The following CCNY variants were observed in gnomAD, a reference collection of about 807,000 sequenced individuals.
The protein encoded by CCNY is cyclin Y.
A neutral mutation model predicts 42.8 loss-of-function variants in CCNY; 19 were observed. The observed-to-expected ratio is 0.44, with a 90% CI of 0.31 to 0.65. The LOEUF (loss-of-function observed/expected upper bound fraction) is 0.65. Ranked by LOEUF, CCNY falls within the 30% of genes least tolerant of loss-of-function variation. The pLI is 0.07. For synonymous variants in CCNY, 165 were observed against 162.7 expected, an observed-to-expected ratio of 1.01 and a Z score of -0.11; for missense variants, 370 against 437.3, an observed-to-expected ratio of 0.85 and a Z score of 1.37.
At chr10:35,256,851 A>G (rs148144737) in intron 3 of CCNY, among the ~76,000 whole-genome samples, 17 of 152,280 alleles carry the variant, frequency 1.1e-4, no homozygotes, top group African/African-American at 3.8e-4. Flanking sequence ...CAAGCCATAA[A>G]CTAATAATTA....
intron 1 of CCNY, among the ~76,000 whole-genome samples, chr10:35,481,629 G>A (rs10764046): frequency 0.12 from 17,914 of 152,186 alleles, 1,383 homozygotes; most frequent in East Asian, 0.36. Flanking sequence ...TCACCTTGCT[G>A]GCATGTGGGA....
At chr10:35,281,163 A>G (rs1367438226) in intron 3 of CCNY, among the ~76,000 whole-genome samples, 3 of 152,222 alleles carry the variant, frequency 2.0e-5, no homozygotes, top group African/African-American at 7.2e-5. Flanking sequence ...GCCATTGTGG[A>G]AAACAGGCAC....
At chr10:35,365,366 A>G (rs1018406085) in intron 1 of CCNY, among the ~76,000 whole-genome samples, 6 of 152,184 alleles carry the variant, frequency 3.9e-5, no homozygotes, top group African/African-American at 1.4e-4. Flanking sequence ...CTGCAGTATT[A>G]ATATCTTAAA....
intron 4 of CCNY, among the ~76,000 whole-genome samples, chr10:35,519,052 T>A (rs984189355): frequency 3.6e-4 from 53 of 148,620 alleles, no homozygotes; most frequent in Admixed American, 1.0e-3. Context: ...GGCTGAGGTA[T>A]ATTGTGAGTA....
At chr10:35,356,681 C>T (rs920237650) in intron 1 of CCNY, among the ~76,000 whole-genome samples, 1 of 152,068 alleles carries the variant, frequency 6.6e-6, no homozygotes, top group African/African-American at 2.4e-5. Flanking sequence ...ACATTGAGAA[C>T]CTAATAGGGA....
intron 1 of CCNY, among the ~76,000 whole-genome samples, chr10:35,446,399 T>G: frequency 6.6e-6 from 1 of 152,222 alleles, no homozygotes; most frequent in Non-Finnish European, 1.5e-5. Flanking sequence ...ATGTGGAGTT[T>G]TTTTTCCCCA....
chr10:35,343,382 C>CTTTTTTTT (rs9299720), intron 1 of CCNY, among the ~76,000 whole-genome samples: 22 of 85,902 alleles, frequency 2.6e-4, no homozygotes, highest in African/African-American at 4.0e-4. Context: ...AGCTGATGGT[C>CTTTTTTTT]TTTTTTTTTT....
chr10:35,528,445 T>G (rs1366010920), intron 5 of CCNY, among the ~76,000 whole-genome samples: 2 of 152,234 alleles, frequency 1.3e-5, no homozygotes, highest in Non-Finnish European at 2.9e-5. Flanking sequence ...GGCTTACGCC[T>G]GTAATCCTAG....
intron 1 of CCNY, among the ~76,000 whole-genome samples, chr10:35,343,468 C>T (rs1274799617): frequency 1.4e-5 from 2 of 141,756 alleles, no homozygotes; most frequent in Non-Finnish European, 1.5e-5. Flanking sequence ...CGGCTCACTG[C>T]AACCTCCGCC....
At chr10:35,556,994 G>A (rs536129264) in intron 8 of CCNY, among the ~76,000 whole-genome samples, 15 of 152,066 alleles carry the variant, frequency 9.9e-5, no homozygotes, top group African/African-American at 2.2e-4. Flanking sequence ...ACAGGCGCCC[G>A]CCATTAGTCC....
At chr10:35,292,358 A>T (rs1835422809) in intron 3 of CCNY, among the ~76,000 whole-genome samples, 1 of 151,786 alleles carries the variant, frequency 6.6e-6, no homozygotes, top group African/African-American at 2.4e-5. Flanking sequence ...TTTAATTTTT[A>T]ATTTTTTTAT....
At chr10:35,363,516 C>T (rs934883742) in intron 1 of CCNY, among the ~76,000 whole-genome samples, 4 of 152,126 alleles carry the variant, frequency 2.6e-5, no homozygotes, top group Non-Finnish European at 4.4e-5. Context: ...AGTAGGCTTA[C>T]CTGATCAAAG....
chr10:35,468,680 T>C (rs1839321795), intron 1 of CCNY, among the ~76,000 whole-genome samples: 1 of 152,176 alleles, frequency 6.6e-6, no homozygotes. Context: ...ATGGTGAGCC[T>C]GTCATCGGAG....
rs35268084 is a variant in CCNY at position 35,516,661 on chromosome 10, C to CTTTTTT, written c.365+60_365+65dup. 3.1e-4 allele frequency: 102 copies of CTTTTTT among 327,572 alleles called. 1 individual carries two copies. The highest frequency in any genetic ancestry group is 7.9e-4 in the African/African-American group (16 of 20,310). 20.3% of individuals were successfully genotyped at this position (327,572 alleles called of 1,614,324 possible). ...ATTTATTTCCTTCCTTCCTTCCTTCCTTTTTTTTTTTTTTTTTTTTTTTTT... is the reference window on the plus strand; with the variant it reads ...ATTTATTTCCTTCCTTCCTTCCTTCCTTTTTTTTTTTTTTTTTTTTTTTTTTTTTTT... On this transcript the variant is annotated intron_variant, in intron 4 of 9. Transcript: ENST00000374704.
chr10:35,271,694 C>T (rs1037937183), intron 3 of CCNY, among the ~76,000 whole-genome samples: 3 of 152,196 alleles, frequency 2.0e-5, no homozygotes, highest in African/African-American at 4.8e-5. Context: ...CCTCCTTCAC[C>T]GATGCCAGAG....
chr10:35,251,081 T>C (rs1444525689), intron 3 of CCNY: 1 of 152,290 alleles, frequency 6.6e-6, no homozygotes, highest in East Asian at 1.9e-4. Context: ...AAAATAAATG[T>C]CCACCTTAGA....
chr10:35,344,830 G>GT (rs1836264358), intron 1 of CCNY, among the ~76,000 whole-genome samples: 2 of 152,188 alleles, frequency 1.3e-5, no homozygotes, highest in Admixed American at 1.3e-4. Flanking sequence ...GCCGTGTTTG[G>GT]TTTTTTGTCC....
At chr10:35,278,474 T>C (rs1387331398) in intron 3 of CCNY, among the ~76,000 whole-genome samples, 1 of 151,982 alleles carries the variant, frequency 6.6e-6, no homozygotes, top group African/African-American at 2.4e-5. Context: ...AGCTCCAAAG[T>C]CCCATCTTAG....
chr10:35,271,701 A>G (rs1835171160), intron 3 of CCNY, among the ~76,000 whole-genome samples: 1 of 152,152 alleles, frequency 6.6e-6, no homozygotes, highest in Non-Finnish European at 1.5e-5. Flanking sequence ...CACCGATGCC[A>G]GAGTGGCCCC....
Sources: allele counts gnomAD v4.1 joint callset (sites outside exome capture counted in the v4.1 genomes callset), GRCh38; gene constraint gnomAD v4.1.1; transcripts MANE v1.5; gene names NCBI Gene and HGNC (gene_info 2026-07-23, HGNC 2026-07-21).